ZNF423: variants seen among roughly 807,000 people sequenced by gnomAD.
ZNF423 encodes zinc finger protein 423, also known as Ebf-associated zinc finger protein.
In ZNF423, 12 loss-of-function variants were observed where a neutral mutation model predicts 95.8. That is an observed-to-expected ratio of 0.13 (90% CI 0.08 to 0.20). ZNF423 has a LOEUF of 0.20. Among genes scored for constraint, ZNF423 ranks in the 10% least tolerant of loss-of-function variants. The pLI, the probability that ZNF423 is intolerant of heterozygous loss-of-function variation, is 1.00. For synonymous variants in ZNF423, 749 were observed against 711.9 expected (o/e 1.05, Z -0.83); for missense variants, 1,316 against 1,737.1 (o/e 0.76, Z 4.31).
At chr16:49,491,542 C>CTT (rs35641691) in intron 7 of ZNF423, among the ~76,000 whole-genome samples, 16,182 of 111,038 alleles carry the variant, frequency 0.15, 1,347 homozygotes, top group East Asian at 0.2. Context: ...TGTTTTTTGG[C>CTT]TTTTTTTTTT....
In ZNF423 at chr16:49,603,561, C is replaced by T. The variant is rs191849028; in HGVS notation, c.3601+22609G>A. 3.9e-4 allele frequency among the ~76,000 whole-genome samples: 60 copies of T among 152,296 alleles called. No homozygotes were observed. The highest frequency in any genetic ancestry group is 1.3e-3 in the African/African-American group (55 of 41,560). ...AGTAGCTGGGATTACAGGCGCCCGCCACCACGCCCAGCTAATTTTTGTGTT... is the reference window on the plus strand; with the variant it reads ...AGTAGCTGGGATTACAGGCGCCCGCTACCACGCCCAGCTAATTTTTGTGTT... On this transcript the variant is annotated intron_variant, in intron 5 of 7. Transcript: ENST00000563137. The surrounding 1 kb of genome is among the most constrained non-coding windows in gnomAD (Gnocchi z 4.1).
In ZNF423 at chr16:49,638,791, C is replaced by G; in HGVS notation, c.385G>C (p.Asp129His). 6.2e-7 allele frequency: 1 copy of G among 1,614,162 alleles called. No homozygotes were observed. The highest frequency in any genetic ancestry group is 8.5e-7 in the Non-Finnish European group (1 of 1,180,016). The part of the protein sequence containing the change: ...DVASPTQMIG[D>H]GCDLGLGEEE... ...TCGCCGAGGCCGAGGTCACAACCAT[C>G]TCCGATCATCTGCGTGGGTGACGCA... Residue 129 changes from aspartate to histidine, a missense_variant, in exon 4 of 8, where the codon GAT becomes CAT. Asp to His is a moderately conservative substitution (Grantham distance 81, BLOSUM62 -1). Around this residue, in one of 6 missense-constraint regions of ZNF423, gnomAD observed 155 missense variants for 170.8 expected, o/e 0.91. Coordinates refer to ENST00000563137, the MANE Select transcript of ZNF423 (RefSeq NM_001379286.1). The surrounding 1 kb of genome is among the most constrained non-coding windows in gnomAD (Gnocchi z 5.6).
rs369376307 is a variant in ZNF423 at position 49,638,813 on chromosome 16, C to T, written c.363G>A (p.Ala121=). The change falls in exon 4 of 8, where the codon GCG becomes GCA. Residue 121 remains alanine, a synonymous_variant. Coordinates refer to ENST00000563137, the MANE Select transcript of ZNF423 (RefSeq NM_001379286.1). This position sits in a 1 kb window ranked among gnomAD's most constrained non-coding sequence, Gnocchi z 5.6. ...VASSPSSKDV[A]SPTQMIGDGC... is the part of the protein sequence containing the mutation. ...CATCTCCGATCATCTGCGTGGGTGA[C>T]GCAACATCCTTGCTGGAGGGAGACG... 53 of 1,613,758 alleles carry T rather than the reference C, an allele frequency of 3.3e-5. No homozygotes were observed. Among genetic ancestry groups the T allele is most frequent in the African/African-American group, 6.7e-5 (5 of 74,924 alleles).
intron 3 of ZNF423, among the ~76,000 whole-genome samples, chr16:49,643,487 G>C (rs1973051497): frequency 6.6e-6 from 1 of 152,000 alleles, no homozygotes; most frequent in South Asian, 2.1e-4. Context: ...GCAGGCAGCA[G>C]AGTCAGGATG....
At chr16:49,721,552 C>T (rs567962781) in intron 3 of ZNF423, among the ~76,000 whole-genome samples, 7 of 152,098 alleles carry the variant, frequency 4.6e-5, no homozygotes, top group Admixed American at 2.0e-4. Flanking sequence ...TAACAGAAAC[C>T]GGGGACAGCC....
chr16:49,771,309 TCTC>T (rs904052525), intron 2 of ZNF423, among the ~76,000 whole-genome samples: 8 of 150,276 alleles, frequency 5.3e-5, no homozygotes, highest in Admixed American at 1.3e-4. Context: ...TTCAAGTAAT[TCTC>T]CTGCCTCAGC....
chr16:49,838,770 C>T (rs530442247), intron 1 of ZNF423, among the ~76,000 whole-genome samples: 2 of 151,934 alleles, frequency 1.3e-5, no homozygotes, highest in African/African-American at 4.8e-5. Flanking sequence ...GAGCGAGCTG[C>T]GCAGCCTGCG....
In ZNF423 at chr16:49,706,332, G is replaced by A. The variant is rs57135982; in HGVS notation, c.301+24439C>T. Among the ~76,000 whole-genome samples, 1,365 of 152,336 alleles carry A rather than the reference G, an allele frequency of 9.0e-3. 31 individuals carry two copies. Among genetic ancestry groups the A allele is most frequent in the African/African-American group, 0.031 (1,297 of 41,576 alleles). On this transcript the variant is annotated intron_variant, in intron 3 of 7. Transcript: ENST00000563137. ...GCAGGACTGTAGTCCCAAAAGGATA[G>A]AGCCTTCAAGTTCTCACCTCCAGGC...
At chr16:49,727,674 A>G (rs2033060389) in intron 3 of ZNF423, among the ~76,000 whole-genome samples, 1 of 152,020 alleles carries the variant, frequency 6.6e-6, no homozygotes, top group Non-Finnish European at 1.5e-5. Context: ...TGCTGCCTCC[A>G]CGTTCCAGCA....
chr16:49,599,327 A>G (rs896523959), intron 5 of ZNF423, among the ~76,000 whole-genome samples: 1 of 152,224 alleles, frequency 6.6e-6, no homozygotes, highest in African/African-American at 2.4e-5. Flanking sequence ...CAATCAGTAT[A>G]CAACAATCTG....
chr16:49,813,606 G>A (rs1378007279), intron 1 of ZNF423, among the ~76,000 whole-genome samples: 2 of 152,224 alleles, frequency 1.3e-5, no homozygotes, highest in Non-Finnish European at 2.9e-5. Flanking sequence ...TCCCGGAAGA[G>A]AACATCCATT....
chr16:49,587,056 C>T (rs1025858517), intron 5 of ZNF423, among the ~76,000 whole-genome samples: 1 of 152,190 alleles, frequency 6.6e-6, no homozygotes, highest in Non-Finnish European at 1.5e-5. Flanking sequence ...CAACGGTTTA[C>T]ACAAGCACAA....
chr16:49,704,792 G>T (rs933847990), intron 3 of ZNF423, among the ~76,000 whole-genome samples: 1 of 152,048 alleles, frequency 6.6e-6, no homozygotes, highest in Non-Finnish European at 1.5e-5. Flanking sequence ...CTGCACTGTG[G>T]GCCTTCAAAT....
At chr16:49,761,442 G>A (rs2033831479) in intron 2 of ZNF423, among the ~76,000 whole-genome samples, 1 of 152,212 alleles carries the variant, frequency 6.6e-6, no homozygotes, top group Admixed American at 6.5e-5. Flanking sequence ...AGCAGGTCTG[G>A]GAAGAAGCCC....
chr16:49,854,358 C>T (rs2035333760), intron 1 of ZNF423: 1 of 985,324 alleles, frequency 1.0e-6, no homozygotes, highest in Non-Finnish European at 1.2e-6. Context: ...TTCAGGAGGA[C>T]AGAACTGACG....
rs573032120 is a variant in ZNF423 at position 49,637,485 on chromosome 16, G to C, written c.1691C>G (p.Thr564Arg). ...GGAATAGACCTCCATGAAGGACTGC[G>C]TGGGCTGCACCACCGGAGACTCTAG... ...AKLESPVVQP[T>R]QSFMEVYSCP... is the part of the protein sequence containing the mutation. Residue 564 changes from threonine to arginine, a missense_variant, in exon 4 of 8, where the codon ACG (threonine) becomes AGG (arginine). By Grantham distance (71) the Thr-to-Arg change is moderately conservative. This residue lies in a region of ZNF423 where 399 missense variants were observed against 478.5 expected (regional missense o/e 0.83). Transcript: ENST00000563137. The surrounding 1 kb of genome is among the most constrained non-coding windows in gnomAD (Gnocchi z 5.6). The C allele has an allele frequency of 1.9e-4, 312 of 1,614,004 alleles. No individual in the cohort carries two copies. Among genetic ancestry groups the C allele is most frequent in the Non-Finnish European group, 2.6e-4 (309 of 1,180,048 alleles).
chr16:49,601,994 C>T (rs899309576), intron 5 of ZNF423, among the ~76,000 whole-genome samples: 2 of 152,218 alleles, frequency 1.3e-5, no homozygotes, highest in Non-Finnish European at 2.9e-5. Context: ...CTTGTTCCAG[C>T]TCTGACTTAA....
chr16:49,514,910 A>T (rs1968072606), intron 7 of ZNF423, among the ~76,000 whole-genome samples: 1 of 152,098 alleles, frequency 6.6e-6, no homozygotes, highest in Admixed American at 6.5e-5. Flanking sequence ...CGCGCTGTGA[A>T]CTCTGACATG....
intron 5 of ZNF423, among the ~76,000 whole-genome samples, chr16:49,565,467 G>GCT (rs1256004125): frequency 2.0e-5 from 3 of 152,160 alleles, no homozygotes; most frequent in Admixed American, 2.0e-4. Flanking sequence ...TCTCACTAGG[G>GCT]CTCTGCCCAG....
Sources: allele counts gnomAD v4.1 joint callset (sites outside exome capture counted in the v4.1 genomes callset), GRCh38; gene constraint gnomAD v4.1.1; regional missense constraint gnomAD v4.1.1; non-coding constraint Gnocchi (gnomAD v3.1); transcripts MANE v1.5; gene names NCBI Gene and HGNC (gene_info 2026-07-23, HGNC 2026-07-21).